Variants in ADAMTSL1 observed in about 807,000 individuals in gnomAD.
ADAMTSL1 encodes ADAMTS-like protein 1.
Under a neutral mutation model 201.8 loss-of-function variants are expected in ADAMTSL1, and 126 were observed. The observed-to-expected ratio is 0.62, with a 90% CI of 0.54 to 0.72. ADAMTSL1 has a LOEUF of 0.72. Ranked by LOEUF, ADAMTSL1 falls within the 30% of genes least tolerant of loss-of-function variation. ADAMTSL1 has a pLI of 0.00. For synonymous variants in ADAMTSL1, 1,121 were observed against 903.4 expected (o/e 1.24, Z -4.32); for missense variants, 2,679 against 2,277.8 (o/e 1.18, Z -3.59).
chr9:18,411,678 T>C (rs1355673796), intron 2 of ADAMTSL1, among the ~76,000 whole-genome samples: 1 of 152,200 alleles, frequency 6.6e-6, no homozygotes, highest in Non-Finnish European at 1.5e-5. Context: ...ATTTTGCTAT[T>C]CTTTCTTCAT....
At chr9:18,747,114 A>G (rs1819191846) in intron 15 of ADAMTSL1, among the ~76,000 whole-genome samples, 1 of 152,182 alleles carries the variant, frequency 6.6e-6, no homozygotes, top group African/African-American at 2.4e-5. Context: ...AGGTCTATTA[A>G]TACTTTGTTC....
chr9:17,928,003 T>C (rs1306673272), intron 1 of ADAMTSL1, among the ~76,000 whole-genome samples: 6 of 151,510 alleles, frequency 4.0e-5, no homozygotes, highest in East Asian at 3.9e-4. Context: ...TTCTTTTTTT[T>C]TTTTTTTTTG....
chr9:18,269,398 T>C (rs1237302454), intron 2 of ADAMTSL1, among the ~76,000 whole-genome samples: 1 of 152,124 alleles, frequency 6.6e-6, no homozygotes. Flanking sequence ...TGAGACCTTC[T>C]CTCTAGGTCC....
intron 2 of ADAMTSL1, among the ~76,000 whole-genome samples, chr9:18,290,267 T>C (rs1833196308): frequency 6.9e-6 from 1 of 145,690 alleles, no homozygotes; most frequent in African/African-American, 2.5e-5. Context: ...AAAGCCGCTA[T>C]GCCAGGGGAT....
rs7024939 is a variant in ADAMTSL1 at position 18,696,712 on chromosome 9, C to A, written c.1575-10035C>A. ...CAGCCTGCCAGAGTTCAAGTCCTGA[C>A]AATACCATTTACTCAGCAGTGTGGC... On this transcript the variant is annotated intron_variant, in intron 13 of 28. Transcript: ENST00000380548. Among the ~76,000 whole-genome samples, 845 of 152,142 alleles carry A rather than the reference C, an allele frequency of 5.6e-3. 5 individuals are homozygous for A. The highest frequency in any genetic ancestry group is 0.019 in the African/African-American group (808 of 41,512).
At chr9:18,095,026 G>T (rs1302922708) in intron 1 of ADAMTSL1, among the ~76,000 whole-genome samples, 19 of 152,134 alleles carry the variant, frequency 1.2e-4, no homozygotes, top group Admixed American at 1.2e-3. Context: ...GTCCCTCTAT[G>T]TAGGTCACAG....
intron 1 of ADAMTSL1, among the ~76,000 whole-genome samples, chr9:17,985,352 T>G (rs1818881234): frequency 6.6e-6 from 1 of 152,150 alleles, no homozygotes; most frequent in East Asian, 1.9e-4. Context: ...TGTTAAAATG[T>G]TAAAACATTA....
intron 2 of ADAMTSL1, among the ~76,000 whole-genome samples, chr9:18,180,821 T>A (rs1483782595): frequency 2.6e-5 from 4 of 152,156 alleles, no homozygotes; most frequent in Non-Finnish European, 2.9e-5. Context: ...AGAGCCCGCA[T>A]CGCCAAGTCA....
At chr9:18,819,219 G>A (rs567783514) in intron 21 of ADAMTSL1, among the ~76,000 whole-genome samples, 34 of 152,300 alleles carry the variant, frequency 2.2e-4, no homozygotes, top group Admixed American at 1.9e-3. Context: ...ACTTTGGGGG[G>A]CCAAGGTGGG....
At chr9:18,290,311 G>C (rs1833199686) in intron 2 of ADAMTSL1, among the ~76,000 whole-genome samples, 1 of 151,550 alleles carries the variant, frequency 6.6e-6, no homozygotes, top group Admixed American at 6.6e-5. Context: ...CTGCAGGGGT[G>C]TGGAGAAATT....
intron 2 of ADAMTSL1, among the ~76,000 whole-genome samples, chr9:18,458,538 T>G (rs1820692190): frequency 6.6e-6 from 1 of 152,200 alleles, no homozygotes; most frequent in Non-Finnish European, 1.5e-5. Context: ...CTTAGGTGTC[T>G]TCCTTCATGT....
chr9:18,148,433 T>C (rs1826755257), intron 1 of ADAMTSL1, among the ~76,000 whole-genome samples: 3 of 151,616 alleles, frequency 2.0e-5, no homozygotes, highest in Admixed American at 2.0e-4. Context: ...GATCAGATAC[T>C]AAAGTCAAGT....
chr9:18,480,485 G>A (rs1184647099), intron 1 of ADAMTSL1, among the ~76,000 whole-genome samples: 1 of 152,172 alleles, frequency 6.6e-6, no homozygotes, highest in East Asian at 1.9e-4. Context: ...ACTACATGGA[G>A]CACAGCCCCT....
intron 15 of ADAMTSL1, 27 bp from the exon 16 acceptor site, chr9:18,753,271 T>A (rs1482981218): frequency 6.3e-7 from 1 of 1,591,858 alleles, no homozygotes; most frequent in Admixed American, 1.7e-5. Flanking sequence ...TAAGGGTGTG[T>A]CCTCTTCCTC....
chr9:18,714,637 A>G (rs1440219445), intron 14 of ADAMTSL1, among the ~76,000 whole-genome samples: 3 of 147,876 alleles, frequency 2.0e-5, no homozygotes, highest in Non-Finnish European at 4.5e-5. Context: ...GTCCAGAACC[A>G]GATGGATTCA....
intron 7 of ADAMTSL1, chr9:18,651,153 G>A (rs1215868414): frequency 6.6e-6 from 1 of 152,182 alleles, no homozygotes; most frequent in Non-Finnish European, 1.5e-5. Context: ...AAATGGCTAT[G>A]AGAGCAGACT....
rs569763264 is a variant in ADAMTSL1, at chr9:18,510,490, ATCCTT to A, written c.191+5540_191+5544del. 9.5e-3 allele frequency among the ~76,000 whole-genome samples: 1,450 copies of A among 152,244 alleles called. 23 individuals carry two copies. Among genetic ancestry groups the A allele is most frequent in the African/African-American group, 0.033 (1,367 of 41,544 alleles). On this transcript the variant is annotated intron_variant, in intron 2 of 28. Transcript: ENST00000380548. ...CTGACCCAGGAACATACTGAGTAGAATCCTTTCCTTGGTTTCTCCCCTACCCTTTT... is the reference window on the plus strand; with the variant it reads ...CTGACCCAGGAACATACTGAGTAGAATCCTTGGTTTCTCCCCTACCCTTTT...
intron 13 of ADAMTSL1, among the ~76,000 whole-genome samples, chr9:18,686,145 T>C (rs1393440046): frequency 6.6e-6 from 1 of 152,116 alleles, no homozygotes; most frequent in African/African-American, 2.4e-5. Context: ...GGTCTCAAAC[T>C]CCTGACCTCA....
intron 2 of ADAMTSL1, among the ~76,000 whole-genome samples, chr9:18,434,918 AC>A (rs1819658409): frequency 6.6e-6 from 1 of 152,216 alleles, no homozygotes; most frequent in South Asian, 2.1e-4. Flanking sequence ...GTCTAAGTCA[AC>A]TACTAGACTG....
Sources: gnomAD v4.1 joint callset for allele counts (sites outside exome capture counted in the v4.1 genomes callset) on GRCh38, gnomAD v4.1.1 for gene constraint, MANE v1.5 for transcripts, NCBI Gene and HGNC (gene_info 2026-07-23, HGNC 2026-07-21) for gene names.